UTY: variants seen among roughly 807,000 people sequenced by gnomAD.
UTY encodes ubiquitously transcribed tetratricopeptide repeat containing, Y-linked.
In UTY, 12 loss-of-function variants were observed where a neutral mutation model predicts 32.5. That is an observed-to-expected ratio of 0.37 (90% CI 0.24 to 0.60). The LOEUF (loss-of-function observed/expected upper bound fraction) is 0.60, where lower values mean the gene tolerates loss of function less well. Among genes scored for constraint, UTY ranks in the 20% least tolerant of loss-of-function variants. The pLI is 0.69. For missense variants in UTY, 303 were observed against 299.2 expected (o/e 1.01, Z -0.09); for synonymous variants, 131 against 103.4 (o/e 1.27, Z -1.62).
At chrY:13,471,114 G>T (rs776972365) in intron 2 of UTY, among the ~76,000 whole-genome samples, 1 of 33,949 alleles carries the variant, frequency 2.9e-5, no homozygotes, top group East Asian at 7.5e-4. Flanking sequence ...ACTAACCACA[G>T]ATCTTGAAAA....
intron 11 of UTY, 30 bp downstream of exon 11, chrY:13,360,400 C>G: frequency 2.7e-6 from 1 of 365,333 alleles, no homozygotes; most frequent in African/African-American, 6.7e-5. Flanking sequence ...ATCAAGCGAG[C>G]TTCTACTGCT....
At chrY:13,436,297 G>A (rs2074541966) in intron 4 of UTY, among the ~76,000 whole-genome samples, 1 of 33,274 alleles carries the variant, frequency 3.0e-5, no homozygotes. Flanking sequence ...GCTGTGAAGC[G>A]TGGGGGCCGC....
intron 8 of UTY, among the ~76,000 whole-genome samples, chrY:13,390,663 T>C (rs2067456652): frequency 3.0e-5 from 1 of 33,565 alleles, no homozygotes; most frequent in Non-Finnish European, 7.4e-5. Context: ...ATCTCGTTAG[T>C]ATTTTTGCTG....
intron 18 of UTY, among the ~76,000 whole-genome samples, chrY:13,327,681 G>T: frequency 3.0e-5 from 1 of 33,235 alleles, no homozygotes; most frequent in Non-Finnish European, 7.4e-5. Flanking sequence ...AAAGCATAAT[G>T]ACCCATAGGT....
chrY:13,369,234 T>C, intron 9 of UTY, 22 bp downstream of exon 9: 1 of 321,086 alleles, frequency 3.1e-6, no homozygotes. Flanking sequence ...TAATGTAATG[T>C]ATAATAAAAG....
chrY:13,464,106 T>C, intron 3 of UTY, among the ~76,000 whole-genome samples: 3 of 33,791 alleles, frequency 8.9e-5, no homozygotes, highest in Admixed American at 2.7e-4. Context: ...CCACATGATA[T>C]AGGAAAAATC....
downstream of UTY, among the ~76,000 whole-genome samples, chrY:13,247,542 T>A: frequency 3.2e-5 from 1 of 31,665 alleles, no homozygotes; most frequent in African/African-American, 1.2e-4. Context: ...ACAAAAAAAA[T>A]TAGCTGGGTG....
At chrY:13,240,805 G>A in intron 28 of UTY, among the ~76,000 whole-genome samples, 4 of 32,528 alleles carry the variant, frequency 1.2e-4, no homozygotes, top group African/African-American at 3.6e-4. Context: ...AGACCAGTAT[G>A]AGCAACATAG....
At position 13,359,240 on chromosome Y, in the gene UTY, A is replaced by G. The variant is rs1161715114; in HGVS notation, c.1186-18T>C. ...AACTGAGCCTAGGAAAAATTATGTA[A>G]AAAGCAAATTTAACACAAGCCTACT... On this transcript the variant is annotated intron_variant, in intron 12 of 29. Coordinates refer to ENST00000545955, the MANE Select transcript of UTY (RefSeq NM_001258249.2). 1 of 385,942 alleles carries G rather than the reference A, an allele frequency of 2.6e-6. No individual in the cohort carries two copies. The highest frequency in any genetic ancestry group is 3.6e-6 in the Non-Finnish European group (1 of 275,743).
At chrY:13,297,008 T>G in intron 27 of UTY, among the ~76,000 whole-genome samples, 2 of 33,926 alleles carry the variant, frequency 5.9e-5, no homozygotes, top group African/African-American at 1.1e-4. Flanking sequence ...CAGCTATATT[T>G]GGCAAAAAGT....
chrY:13,376,854 A>G, intron 8 of UTY, among the ~76,000 whole-genome samples: 1 of 33,628 alleles, frequency 3.0e-5, no homozygotes, highest in Admixed American at 2.7e-4. Flanking sequence ...ACCAGTCAAC[A>G]TGGCTGTGGA....
intron 21 of UTY, among the ~76,000 whole-genome samples, chrY:13,310,218 CA>C (rs772096972): frequency 1.1e-3 from 7 of 6,114 alleles, no homozygotes; most frequent in South Asian, 3.4e-3. Context: ...TCCATCTCAC[CA>C]AAAAAAAAAA....
chrY:13,343,844 C>T, intron 17 of UTY, among the ~76,000 whole-genome samples: 1 of 33,273 alleles, frequency 3.0e-5, no homozygotes, highest in African/African-American at 1.2e-4. Flanking sequence ...CCAAGGTGTG[C>T]TTTTGCCATT....
At chrY:13,422,989 T>A in intron 4 of UTY, among the ~76,000 whole-genome samples, 1 of 33,684 alleles carries the variant, frequency 3.0e-5, no homozygotes, top group Non-Finnish European at 7.4e-5. Context: ...CCTAAGTGTT[T>A]GGGAATTACC....
intron 3 of UTY, among the ~76,000 whole-genome samples, chrY:13,454,145 T>G: frequency 3.2e-5 from 1 of 31,725 alleles, no homozygotes; most frequent in African/African-American, 1.2e-4. Context: ...TCCCAGCTAC[T>G]CAGGAGGCTG....
At chrY:13,357,446 G>A in intron 15 of UTY, among the ~76,000 whole-genome samples, 1 of 31,677 alleles carries the variant, frequency 3.2e-5, no homozygotes, top group Non-Finnish European at 7.7e-5. Context: ...CCAGGTATTC[G>A]GTAGGCTGAG....
Position 13,428,479 on chromosome Y carries a change from C to G in UTY, c.376-13686G>C, listed in dbSNP as rs950689985. Reference sequence around the variant, plus strand: ...CAAAGCATACTTTTGTTGACCTTGTCTAATAACAGCTGGTTTGTAGGTATG... The same window carrying G: ...CAAAGCATACTTTTGTTGACCTTGTGTAATAACAGCTGGTTTGTAGGTATG... On this transcript the variant is annotated intron_variant, in intron 4 of 29. Coordinates refer to ENST00000545955, the MANE Select transcript of UTY (RefSeq NM_001258249.2). Among the ~76,000 whole-genome samples the G allele has an allele frequency of 1.5e-4, 5 of 33,360 alleles. No homozygotes were observed. In the East Asian group the frequency reaches 3.9e-3, roughly 26 times the overall value. 89.5% of individuals were successfully genotyped at this position (33,360 alleles called of 37,273 possible).
intron 8 of UTY, among the ~76,000 whole-genome samples, chrY:13,372,481 G>T (rs2065014191): frequency 3.1e-5 from 1 of 32,729 alleles, no homozygotes; most frequent in East Asian, 7.9e-4. Flanking sequence ...TAAATGTAAG[G>T]CTTGAATAGT....
chrY:13,459,449 A>G (rs2077176277), intron 3 of UTY, among the ~76,000 whole-genome samples: 1 of 33,291 alleles, frequency 3.0e-5, no homozygotes, highest in Non-Finnish European at 7.4e-5. Flanking sequence ...TATGTCTTCT[A>G]AATAGGTTAT....
Sources: gnomAD v4.1 joint callset for allele counts (sites outside exome capture counted in the v4.1 genomes callset) on GRCh38, gnomAD v4.1.1 for gene constraint, MANE v1.5 for transcripts, NCBI Gene and HGNC (gene_info 2026-07-23, HGNC 2026-07-21) for gene names.